The following PGR variants were observed in gnomAD, a reference collection of about 807,000 sequenced individuals.
PGR encodes the protein progesterone receptor.
A neutral mutation model predicts 76.1 loss-of-function variants in PGR; 25 were observed. The observed-to-expected ratio is 0.33, with a 90% CI of 0.24 to 0.46. The LOEUF is 0.46. Among genes scored for constraint, PGR ranks in the 20% least tolerant of loss-of-function variants. The pLI, the probability that PGR is intolerant of heterozygous loss-of-function variation, is 1.00. For missense variants in PGR, 1,172 were observed against 1,225.3 expected, an observed-to-expected ratio of 0.96 and a Z score of 0.65; for synonymous variants, 579 against 535.0, an observed-to-expected ratio of 1.08 and a Z score of -1.14.
intron 2 of PGR, among the ~76,000 whole-genome samples, chr11:101,123,370 C>G (rs1207371485): frequency 6.6e-6 from 1 of 152,182 alleles, no homozygotes; most frequent in African/African-American, 2.4e-5. Context: ...CCACCTTGAA[C>G]CAGCTCATCA....
At chr11:101,110,809 T>C (rs1862321987) in intron 2 of PGR, among the ~76,000 whole-genome samples, 1 of 152,156 alleles carries the variant, frequency 6.6e-6, no homozygotes, top group Admixed American at 6.6e-5. Flanking sequence ...TGTTGTCTTA[T>C]TTAAAGAAAT....
chr11:101,095,869 T>A (rs938288360), intron 2 of PGR, among the ~76,000 whole-genome samples: 1 of 152,186 alleles, frequency 6.6e-6, no homozygotes, highest in Non-Finnish European at 1.5e-5. Flanking sequence ...CTAGTCAAGT[T>A]ATTCAGTTTT....
intron 2 of PGR, among the ~76,000 whole-genome samples, chr11:101,105,279 A>G (rs1207516923): frequency 2.0e-5 from 3 of 152,150 alleles, no homozygotes; most frequent in Non-Finnish European, 4.4e-5. Flanking sequence ...CAGTATCACA[A>G]TGGCTTCTAA....
chr11:101,089,299 A>G (rs1234280923), intron 3 of PGR, among the ~76,000 whole-genome samples: 1 of 152,236 alleles, frequency 6.6e-6, no homozygotes, highest in Non-Finnish European at 1.5e-5. Flanking sequence ...GGTACATCGA[A>G]TATATATTTA....
chr11:101,050,600 G>A (rs568009096), intron 5 of PGR, among the ~76,000 whole-genome samples: 3 of 152,222 alleles, frequency 2.0e-5, no homozygotes, highest in South Asian at 4.1e-4. Context: ...TTAAACACAA[G>A]TGCTGAAGGC....
rs2135372759 is a variant in PGR at position 101,036,890 on chromosome 11, A to G, written c.*2226T>C. The G allele has an allele frequency of 5.1e-6, 1 of 196,028 alleles. No homozygotes were observed. The highest frequency in any genetic ancestry group is 1.9e-4 in the South Asian group (1 of 5,172). 12.1% of individuals were successfully genotyped at this position (196,028 alleles called of 1,614,324 possible). A position where few individuals can be genotyped will look rare whatever the true frequency, so the allele number is the denominator to read the frequency against. On this transcript the variant is annotated 3_prime_UTR_variant, in exon 8 of 8. Coordinates refer to ENST00000325455, the MANE Select transcript of PGR (RefSeq NM_000926.4). ...TTTAATTCAAAGTAACAAGAATCAG[A>G]TAATAAAATGATCACAACATCAACT...
chr11:101,062,640 G>A lies in PGR; in HGVS notation c.2019C>T (p.Phe673=). 1 of 1,614,032 alleles carries A rather than the reference G, an allele frequency of 6.2e-7. No individual in the cohort carries two copies. The highest frequency in any genetic ancestry group is 2.2e-5 in the East Asian group (1 of 44,854). The part of the protein sequence containing the change: ...PNESQALSQR[F]TFSPGQDIQL... ...GTATGTCTTGACCTGGTGAAAAAGT[G>A]AATCTCTGGCTTAGGGCTTGGCTTT... is the stretch of plus-strand genomic sequence containing the variant. Residue 673 remains phenylalanine (F), a synonymous_variant, in exon 4 of 8, where the codon TTC becomes TTT. Transcript: ENST00000325455.
At chr11:101,072,108 A>C (rs1390597256) in intron 3 of PGR, among the ~76,000 whole-genome samples, 1 of 152,248 alleles carries the variant, frequency 6.6e-6, no homozygotes, top group Non-Finnish European at 1.5e-5. Flanking sequence ...AGGGAAGCCC[A>C]TCAGACTAAC....
intron 4 of PGR, among the ~76,000 whole-genome samples, chr11:101,057,043 TCAA>T (rs1860320715): frequency 6.6e-6 from 1 of 152,228 alleles, no homozygotes; most frequent in Non-Finnish European, 1.5e-5. Flanking sequence ...GCAATTAGGA[TCAA>T]GGTTAGAAAG....
chr11:101,051,419 CTTACTCA>C lies in PGR; in HGVS notation c.2355_2357+4del. On this transcript the variant is annotated splice_donor_variant and splice_donor_region_variant and coding_sequence_variant and intron_variant, in exon 5 of 8. Coordinates refer to ENST00000325455, the MANE Select transcript of PGR (RefSeq NM_000926.4). LOFTEE classifies it high-confidence loss of function. ...ATAACAAAAACAACAAAAGTTACTA[CTTACTCA>C]TTTAGTATTAGATCAGGTGCAAAAT... 6.3e-7 allele frequency: 1 copy of C among 1,594,096 alleles called. No individual in the cohort carries two copies. The highest frequency in any genetic ancestry group is 8.6e-7 in the Non-Finnish European group (1 of 1,162,708).
At chr11:101,087,105 CAA>C (rs1228011527) in intron 3 of PGR, among the ~76,000 whole-genome samples, 1 of 151,974 alleles carries the variant, frequency 6.6e-6, no homozygotes, top group Admixed American at 6.6e-5. Context: ...TATATAAAAT[CAA>C]AAGAGCCCAA....
Position 101,073,039 on chromosome 11 carries a change from T to C in PGR, c.1907-10287A>G, listed in dbSNP as rs12277090. On this transcript the variant is annotated intron_variant, in intron 3 of 7. Coordinates refer to ENST00000325455, the MANE Select transcript of PGR (RefSeq NM_000926.4). ...AATATACCTTCTTCTCAGCACCACA[T>C]TGCACTTATTCTAAAATTGACCACA... Among the ~76,000 whole-genome samples, 548 of 152,218 alleles carry C rather than the reference T, an allele frequency of 3.6e-3. 4 individuals are homozygous for C. The highest frequency in any genetic ancestry group is 0.012 in the African/African-American group (517 of 41,542).
At position 101,109,580 on chromosome 11, in the gene PGR, A is replaced by C. The variant is rs961963181; in HGVS notation, c.1789+16427T>G. On this transcript the variant is annotated intron_variant, in intron 2 of 7. Transcript: ENST00000325455. ...CTATCAAGGGTGAGAGAGGGATGAA[A>C]GCTGTAAAAGAAAAGTTTGAAAACA... 2.0e-5 allele frequency among the ~76,000 whole-genome samples: 3 copies of C among 152,322 alleles called. No individual in the cohort carries two copies. The East Asian group carries it at 5.8e-4, about 29-fold the overall frequency.
chr11:101,126,812 T>C (rs965306264), intron 1 of PGR, among the ~76,000 whole-genome samples: 1 of 152,172 alleles, frequency 6.6e-6, no homozygotes, highest in African/African-American at 2.4e-5. Context: ...AACGGTGCAA[T>C]GCAGTGACAG....
chr11:101,090,932 G>C (rs1333708689), intron 3 of PGR, among the ~76,000 whole-genome samples: 3 of 152,146 alleles, frequency 2.0e-5, no homozygotes, highest in Non-Finnish European at 2.9e-5. Flanking sequence ...AACGTCCATG[G>C]AACACAAGCT....
intron 2 of PGR, among the ~76,000 whole-genome samples, chr11:101,104,993 G>C (rs1001179548): frequency 2.6e-5 from 4 of 152,194 alleles, no homozygotes; most frequent in Admixed American, 2.6e-4. Context: ...GCTGGAATGG[G>C]TTGGAGAAGT....
chr11:101,091,099 G>A (rs932548342), intron 3 of PGR, among the ~76,000 whole-genome samples: 2 of 152,164 alleles, frequency 1.3e-5, no homozygotes, highest in African/African-American at 2.4e-5. Flanking sequence ...GGGAGTACGG[G>A]TGTCTTGCAT....
intron 3 of PGR, among the ~76,000 whole-genome samples, chr11:101,088,023 G>A (rs879850276): frequency 1.3e-4 from 19 of 142,454 alleles, no homozygotes; most frequent in Admixed American, 1.2e-3. Context: ...AGACCTTATC[G>A]TTACAAAAAA....
At position 101,128,963 on chromosome 11, in the gene PGR, G is replaced by A. The variant is rs764487268; in HGVS notation, c.108C>T (p.Phe36=). The change falls in exon 1 of 8, where the codon TTC becomes TTT. Residue 36 remains phenylalanine, a synonymous_variant. Transcript: ENST00000325455. Reference sequence around the variant, plus strand: ...AGGTGTCCGAGGTCTGGCTCCCCGGGAACGGACCTGCGGCTGGGCGACACA... The same window carrying A: ...AGGTGTCCGAGGTCTGGCTCCCCGGAAACGGACCTGCGGCTGGGCGACACA... The part of the protein sequence containing the change: ...PLLCRPAAGP[F]PGSQTSDTLP... 3.7e-6 allele frequency: 6 copies of A among 1,605,888 alleles called. No individual in the cohort carries two copies. The Admixed American group carries it at 6.7e-5, about 18-fold the overall frequency.
Sources: gnomAD v4.1 joint callset for allele counts (sites outside exome capture counted in the v4.1 genomes callset) on GRCh38, gnomAD v4.1.1 for gene constraint, MANE v1.5 for transcripts, NCBI Gene and HGNC (gene_info 2026-07-23, HGNC 2026-07-21) for gene names.